Variants in NEURL4 observed in about 807,000 individuals in gnomAD.
NEURL4 encodes neuralized E3 ubiquitin protein ligase 4, also known as neuralized-like protein 4.
NEURL4 carries 45 observed loss-of-function variants against 148.0 expected under a neutral mutation model. The ratio of observed to expected loss-of-function variants is 0.30; its 90% CI spans 0.24 to 0.39. The LOEUF (loss-of-function observed/expected upper bound fraction) is 0.39, where lower values mean the gene tolerates loss of function less well. Among genes scored for constraint, NEURL4 ranks in the 10% least tolerant of loss-of-function variants. The probability of loss-of-function intolerance (pLI) is 1.00; values close to 1 mark genes in which losing one functional copy is unlikely to be tolerated. For synonymous variants in NEURL4, 854 were observed against 869.0 expected (o/e 0.98, Z 0.30); for missense variants, 1,776 against 2,144.0 (o/e 0.83, Z 3.39).
rs1323676532 is a variant in NEURL4, at chr17:7,325,443, A to G, written c.1397T>C (p.Val466Ala). 8.1e-6 allele frequency: 13 copies of G among 1,612,322 alleles called. No homozygotes were observed. The highest frequency in any genetic ancestry group is 1.0e-5 in the Non-Finnish European group (12 of 1,179,910). The change falls in exon 8 of 29, where the codon GTG becomes GCG. Residue 466 changes from valine to alanine, a missense_variant. Val to Ala is a moderately conservative substitution (Grantham distance 64). Coordinates refer to ENST00000399464, the MANE Select transcript of NEURL4 (RefSeq NM_032442.3). ...CCCGTACAAGTCCACCACACCATAC[A>G]CCACTGGGGGCGTCAAGGGGGTTGC... ...GVATPLTPPV[V>A]YGVVDLYGMA...
chr17:7,325,656 T>C lies in NEURL4; in HGVS notation c.1351A>G (p.Asn451Asp). 6.2e-7 allele frequency: 1 copy of C among 1,613,556 alleles called. No individual in the cohort carries two copies. Among genetic ancestry groups the C allele is most frequent in the Non-Finnish European group, 8.5e-7 (1 of 1,179,856 alleles). Reference protein sequence around the residue: ...KSNSALHFFINGIDQGVATPL... With the variant: ...KSNSALHFFIDGIDQGVATPL... Reference sequence around the variant, plus strand: ...CGGCCCTTACCCTGATCGATACCATTAATGAAGAAGTGTAGGGCAGAGTTG... The same window carrying C: ...CGGCCCTTACCCTGATCGATACCATCAATGAAGAAGTGTAGGGCAGAGTTG... The change falls in exon 7 of 29, where the codon AAT (asparagine) becomes GAT (aspartate). Residue 451 changes from asparagine (N) to aspartate (D), a missense_variant. Coordinates refer to ENST00000399464, the MANE Select transcript of NEURL4 (RefSeq NM_032442.3).
chr17:7,317,585 A>T lies in NEURL4; in HGVS notation c.4206-12T>A. The T allele has an allele frequency of 6.2e-7, 1 of 1,612,750 alleles. No individual in the cohort carries two copies. The highest frequency in any genetic ancestry group is 8.5e-7 in the Non-Finnish European group (1 of 1,178,798). On this transcript the variant is annotated splice_polypyrimidine_tract_variant and intron_variant, in intron 26 of 28. Transcript: ENST00000399464. ...GGCGGGGATTCACTCTAGGAGGTGG[A>T]CAAGCGGGGCAGATACAACGAAGGC...
chr17:7,324,346 T>A lies in NEURL4; in HGVS notation c.1899+49A>T, dbSNP rs1597636874. The A allele has an allele frequency of 6.2e-7, 1 of 1,613,652 alleles. No individual in the cohort carries two copies. Among genetic ancestry groups the A allele is most frequent in the African/African-American group, 1.3e-5 (1 of 74,884 alleles). ...GGCTGGTCCTGCATCAGCCCCGCGG[T>A]GTTTGTGATGCCCGCTGCGGCCGCC... On this transcript the variant is annotated intron_variant, in intron 10 of 28. Transcript: ENST00000399464. The surrounding 1 kb of genome is among the most constrained non-coding windows in gnomAD (Gnocchi z 5.9).
rs754749795 is a variant in NEURL4 at position 7,318,386 on chromosome 17, T to G, written c.3865-30A>C. On this transcript the variant is annotated intron_variant, in intron 23 of 28. Transcript: ENST00000399464. The surrounding 1 kb of genome is among the most constrained non-coding windows in gnomAD (Gnocchi z 4.3). ...AGGGGAGAGGGTAGTCAGACAGAGC[T>G]TGGTCAGACCCCAGGGCCTGCTGAT... 1.2e-6 allele frequency: 2 copies of G among 1,613,090 alleles called. No individual in the cohort carries two copies. The highest frequency in any genetic ancestry group is 2.2e-5 in the South Asian group (2 of 91,066).
At chr17:7,317,164 C>T (rs764282272) in intron 28 of NEURL4, 41 bp downstream of exon 28, 20 of 1,430,284 alleles carry the variant, frequency 1.4e-5, no homozygotes, top group Admixed American at 2.6e-5. Context: ...CCTCTCCATC[C>T]GAGCCCCTGG....
rs113881567 is a variant in NEURL4, at chr17:7,328,017, G to A, written c.283-133C>T. The stretch of plus-strand genomic sequence containing the variant: ...ACACTAATCCAGAGATGCAGACAGT[G>A]ATTTTCTGGACTCCGTCTTGGTAAT... On this transcript the variant is annotated intron_variant, in intron 1 of 28. Transcript: ENST00000399464. The A allele has an allele frequency of 1.1e-3, 740 of 696,948 alleles. 6 individuals are homozygous for A. In the African/African-American group the frequency reaches 0.012, roughly 11 times the overall value. 43.2% of individuals were successfully genotyped at this position (696,948 alleles called of 1,614,324 possible).
chr17:7,318,352 G>A lies in NEURL4; in HGVS notation c.3869C>T (p.Thr1290Ile), dbSNP rs1178842146. 1 of 1,613,930 alleles carries A rather than the reference G, an allele frequency of 6.2e-7. No individual in the cohort carries two copies. The highest frequency in any genetic ancestry group is 8.5e-7 in the Non-Finnish European group (1 of 1,179,968). ...VDLYGQCEQV[T>I]IVNPEPGAAS... ...AGCCCCTGGCTCAGGGTTCACGATT[G>A]TCACCTGCAGGGGAGAGGGTAGTCA... The change falls in exon 24 of 29, where the codon ACA becomes ATA. Residue 1290 changes from threonine to isoleucine, a missense_variant. By Grantham distance (89) the Thr-to-Ile change is moderately conservative. Transcript: ENST00000399464. The surrounding 1 kb of genome is among the most constrained non-coding windows in gnomAD (Gnocchi z 4.3).
rs1192753654 is a variant in NEURL4, at chr17:7,317,453, G to A, written c.4318+8C>T. 6.8e-6 allele frequency: 11 copies of A among 1,613,898 alleles called. No homozygotes were observed. Among genetic ancestry groups the A allele is most frequent in the Non-Finnish European group, 8.5e-6 (10 of 1,179,854 alleles). ...CAGCCCACCTTGCATGGGCCTACTC[G>A]CCAGTACCTGCTCCCAGCTCCCCTC... On this transcript the variant is annotated splice_region_variant and intron_variant, in intron 27 of 28. Coordinates refer to ENST00000399464, the MANE Select transcript of NEURL4 (RefSeq NM_032442.3).
intron 22 of NEURL4, 33 bp downstream of exon 22, chr17:7,319,017 T>C: frequency 6.3e-7 from 1 of 1,579,454 alleles, no homozygotes; most frequent in African/African-American, 1.4e-5. Context: ...CTCACAGGCC[T>C]GGTCCTGTTC....
Position 7,318,348 on chromosome 17 carries a change from G to A in NEURL4, c.3873C>T (p.Ile1291=), listed in dbSNP as rs1439143490. ...DLYGQCEQVT[I]VNPEPGAASG... ...TGGCAGCCCCTGGCTCAGGGTTCAC[G>A]ATTGTCACCTGCAGGGGAGAGGGTA... The change falls in exon 24 of 29, where the codon ATC becomes ATT. Residue 1291 remains isoleucine (I), a synonymous_variant. Coordinates refer to ENST00000399464, the MANE Select transcript of NEURL4 (RefSeq NM_032442.3). This position sits in a 1 kb window ranked among gnomAD's most constrained non-coding sequence, Gnocchi z 4.3. 9.9e-6 allele frequency: 16 copies of A among 1,613,960 alleles called. No individual in the cohort carries two copies. The highest frequency in any genetic ancestry group is 4.0e-5 in the African/African-American group (3 of 74,896).
Position 7,324,261 on chromosome 17 carries a change from T to G in NEURL4, c.1909A>C (p.Thr637Pro). ...HNLDRLKAGD[T>P]VGVVRREDGT... Reference sequence around the variant, plus strand: ...TCCTCCCGCCGTACCACGCCCACCGTGTCCCCTGCCTTGGAAGAAGGGGGT... The same window carrying G: ...TCCTCCCGCCGTACCACGCCCACCGGGTCCCCTGCCTTGGAAGAAGGGGGT... Residue 637 changes from threonine to proline, a missense_variant, in exon 11 of 29, where the codon ACG becomes CCG. Physicochemically the swap from Thr to Pro is conservative, Grantham distance 38. Coordinates refer to ENST00000399464, the MANE Select transcript of NEURL4 (RefSeq NM_032442.3). The surrounding 1 kb of genome is among the most constrained non-coding windows in gnomAD (Gnocchi z 5.9). 6.2e-7 allele frequency: 1 copy of G among 1,613,994 alleles called. No homozygotes were observed. The highest frequency in any genetic ancestry group is 8.5e-7 in the Non-Finnish European group (1 of 1,179,966).
chr17:7,319,484 T>C (rs1326462019), intron 21 of NEURL4, among the ~76,000 whole-genome samples: 1 of 147,642 alleles, frequency 6.8e-6, no homozygotes, highest in Admixed American at 6.9e-5. Context: ...GTGGATCACC[T>C]GAGGTCAGGA....
In NEURL4 at chr17:7,322,475, C is replaced by A. The variant is rs911043907; in HGVS notation, c.2725+260G>T. Among the ~76,000 whole-genome samples, 2 of 152,138 alleles carry A rather than the reference C, an allele frequency of 1.3e-5. No homozygotes were observed. Among genetic ancestry groups the A allele is most frequent in the African/African-American group, 4.8e-5 (2 of 41,422 alleles). On this transcript the variant is annotated intron_variant, in intron 16 of 28. Coordinates refer to ENST00000399464, the MANE Select transcript of NEURL4 (RefSeq NM_032442.3). This position sits in a 1 kb window ranked among gnomAD's most constrained non-coding sequence, Gnocchi z 5.5. ...GCCCGGCCCTGATACCTCTTTTCAC[C>A]ACAGCAAGGCCCATTTCCAAACCTG...
In NEURL4 at chr17:7,323,555, C is replaced by T. The variant is rs2073059220; in HGVS notation, c.2347G>A (p.Ala783Thr). The T allele has an allele frequency of 6.2e-7, 1 of 1,614,224 alleles. No homozygotes were observed. The highest frequency in any genetic ancestry group is 8.5e-7 in the Non-Finnish European group (1 of 1,180,024). The stretch of plus-strand genomic sequence containing the variant: ...AATTCCAGGTCTTCAGGCCGAATAG[C>T]AGTCACTCCTGGGAGGAGGCAGGGG... ...WSGSIEAGVT[A>T]IRPEDLEFPN... Residue 783 changes from alanine (A) to threonine (T), a missense_variant, in exon 14 of 29, where the codon GCT becomes ACT. By Grantham distance (58) the Ala-to-Thr change is moderately conservative. Transcript: ENST00000399464.
intron 21 of NEURL4, among the ~76,000 whole-genome samples, chr17:7,319,724 AC>A (rs200266188): frequency 9.3e-6 from 1 of 108,016 alleles, no homozygotes; most frequent in African/African-American, 3.1e-5. Flanking sequence ...AAACAAAAAA[AC>A]AAAAAAAAAA....
rs973585900 is a variant in NEURL4 at position 7,318,755 on chromosome 17, C to T, written c.3685-81G>A. 6.9e-7 allele frequency: 1 copy of T among 1,454,674 alleles called. No homozygotes were observed. The highest frequency in any genetic ancestry group is 1.4e-5 in the African/African-American group (1 of 70,532). The allele number at this position is 1,454,674 out of a possible 1,614,324, so 90.1% of individuals were successfully genotyped here. ...CCGCCCTTTGCTCTGCTTCCTTTTG[C>T]CAGTGCCTTGGCTTTGCCTCCATGC... is the stretch of plus-strand genomic sequence containing the variant. On this transcript the variant is annotated intron_variant, in intron 22 of 28. Coordinates refer to ENST00000399464, the MANE Select transcript of NEURL4 (RefSeq NM_032442.3). The surrounding 1 kb of genome is among the most constrained non-coding windows in gnomAD (Gnocchi z 4.3).
rs1390508036 is a variant in NEURL4 at position 7,329,035 on chromosome 17, C to T, written c.278G>A (p.Arg93His). The stretch of plus-strand genomic sequence containing the variant: ...TCCGCGGTACCAGCGCTGCACCTTG[C>T]GGTCGATGCGGACGGTGAAGACGCG... Reference protein sequence around the residue: ...DGRVFTVRIDRKVNSWSGSIE... With the variant: ...DGRVFTVRIDHKVNSWSGSIE... Residue 93 changes from arginine to histidine, a missense_variant, in exon 1 of 29, where the codon CGC (arginine) becomes CAC (histidine). Arg to His is a conservative substitution (Grantham distance 29). Transcript: ENST00000399464. The T allele has an allele frequency of 6.3e-7, 1 of 1,575,482 alleles. No homozygotes were observed. Among genetic ancestry groups the T allele is most frequent in the Non-Finnish European group, 8.6e-7 (1 of 1,158,678 alleles).
rs779261854 is a variant in NEURL4 at position 7,324,085 on chromosome 17, C to T, written c.2062+23G>A. On this transcript the variant is annotated intron_variant, in intron 11 of 28. Coordinates refer to ENST00000399464, the MANE Select transcript of NEURL4 (RefSeq NM_032442.3). The surrounding 1 kb of genome is among the most constrained non-coding windows in gnomAD (Gnocchi z 5.9). Reference sequence around the variant, plus strand: ...CTCCCAAGGCCACCCTAACCCCCAGCCCCAGCCCAGCCCGGCCCTCACCCA... The same window carrying T: ...CTCCCAAGGCCACCCTAACCCCCAGTCCCAGCCCAGCCCGGCCCTCACCCA... The T allele has an allele frequency of 4.3e-6, 7 of 1,610,700 alleles. No individual in the cohort carries two copies. In the Admixed American group the frequency reaches 1.0e-4, roughly 23 times the overall value.
chr17:7,329,173 C>A lies in NEURL4; in HGVS notation c.140G>T (p.Arg47Leu), dbSNP rs1284215559. The change falls in exon 1 of 29, where the codon CGC becomes CTC. Residue 47 changes from arginine to leucine, a missense_variant. Coordinates refer to ENST00000399464, the MANE Select transcript of NEURL4 (RefSeq NM_032442.3). ...GLGSGGELHP[R>L]TGRLVSLSAC... Reference sequence around the variant, plus strand: ...CGACAGGCTCACCAAGCGCCCAGTGCGCGGGTGCAGTTCCCCGCCGCTGCC... The same window carrying A: ...CGACAGGCTCACCAAGCGCCCAGTGAGCGGGTGCAGTTCCCCGCCGCTGCC... The A allele has an allele frequency of 1.3e-6, 2 of 1,597,022 alleles. No individual in the cohort carries two copies. The highest frequency in any genetic ancestry group is 1.3e-5 in the African/African-American group (1 of 74,820).
Sources: allele counts gnomAD v4.1 joint callset (sites outside exome capture counted in the v4.1 genomes callset), GRCh38; gene constraint gnomAD v4.1.1; non-coding constraint Gnocchi (gnomAD v3.1); transcripts MANE v1.5; gene names NCBI Gene and HGNC (gene_info 2026-07-23, HGNC 2026-07-21).